Variants in RBMS2 observed in about 807,000 individuals in gnomAD.
RBMS2 encodes the protein RNA-binding motif, single-stranded-interacting protein 2.
In RBMS2, 38 loss-of-function variants were observed where a neutral mutation model predicts 58.4. That is an observed-to-expected ratio of 0.65 (90% CI 0.50 to 0.85). The LOEUF (loss-of-function observed/expected upper bound fraction) is 0.85, where lower values mean the gene tolerates loss of function less well. Among genes scored for constraint, RBMS2 ranks in the 40% least tolerant of loss-of-function variants. RBMS2 has a pLI of 0.00. For synonymous variants in RBMS2, 151 were observed against 180.7 expected (o/e 0.84, Z 1.32); for missense variants, 367 against 503.7 (o/e 0.73, Z 2.60).
rs150115921 is a variant in RBMS2, at chr12:56,572,160, A to G, written c.542+305A>G. ...AAAAATTAGCCAGACGTGGTGGCGC[A>G]TGCCTGTAATCCCAGCTACTCAGGA... On this transcript the variant is annotated intron_variant, in intron 5 of 13. Coordinates refer to ENST00000262031, the MANE Select transcript of RBMS2 (RefSeq NM_002898.4). Among the ~76,000 whole-genome samples the G allele has an allele frequency of 8.2e-3, 1,251 of 151,682 alleles. 11 individuals are homozygous for G. The highest frequency in any genetic ancestry group is 0.027 in the African/African-American group (1,136 of 41,368).
intron 9 of RBMS2, among the ~76,000 whole-genome samples, chr12:56,585,102 C>T (rs952706426): frequency 1.3e-5 from 2 of 152,086 alleles, no homozygotes; most frequent in South Asian, 2.1e-4. Flanking sequence ...GGATTACAGG[C>T]GTGAGCCACT....
intron 1 of RBMS2, among the ~76,000 whole-genome samples, chr12:56,527,311 T>G (rs1473051915): frequency 6.6e-6 from 1 of 152,178 alleles, no homozygotes; most frequent in Admixed American, 6.5e-5. Flanking sequence ...TTAACTCAAA[T>G]GGTTAAAGTT....
Position 56,568,222 on chromosome 12 carries a change from A to C in RBMS2, c.234-753A>C, listed in dbSNP as rs913809244. Reference sequence around the variant, plus strand: ...GGGTGATGGAAATAGGATATCAGAGAAGAAAAATGTCTATAGTTTTTTCAT... The same window carrying C: ...GGGTGATGGAAATAGGATATCAGAGCAGAAAAATGTCTATAGTTTTTTCAT... On this transcript the variant is annotated intron_variant, in intron 2 of 13. Coordinates refer to ENST00000262031, the MANE Select transcript of RBMS2 (RefSeq NM_002898.4). Among the ~76,000 whole-genome samples the C allele has an allele frequency of 2.0e-5, 3 of 152,202 alleles. No individual in the cohort carries two copies. In the South Asian group the frequency reaches 6.2e-4, roughly 32 times the overall value.
intron 1 of RBMS2, among the ~76,000 whole-genome samples, chr12:56,556,837 A>G (rs1195946872): frequency 1.3e-5 from 2 of 152,158 alleles, no homozygotes; most frequent in Non-Finnish European, 1.5e-5. Flanking sequence ...CTCATTCATG[A>G]TGATGATATT....
At chr12:56,564,685 G>T (rs773266665) in intron 2 of RBMS2, among the ~76,000 whole-genome samples, 1 of 152,154 alleles carries the variant, frequency 6.6e-6, no homozygotes, top group Non-Finnish European at 1.5e-5. Flanking sequence ...AGATAAAATG[G>T]TATAGTGGCC....
chr12:56,542,765 G>T (rs1876373356), intron 1 of RBMS2, among the ~76,000 whole-genome samples: 1 of 150,610 alleles, frequency 6.6e-6, no homozygotes, highest in Admixed American at 6.6e-5. Flanking sequence ...GCCCAGGATG[G>T]TCTCAAACTC....
intron 5 of RBMS2, among the ~76,000 whole-genome samples, chr12:56,576,550 A>T (rs986894120): frequency 1.1e-3 from 170 of 151,972 alleles, no homozygotes; most frequent in Non-Finnish European, 1.1e-3. Flanking sequence ...ATAAGGGGGG[A>T]CTACTAGAGT....
rs373593997 is a variant in RBMS2, at chr12:56,582,662, T to TTTTG, written c.873+530_873+533dup. Reference sequence around the variant, plus strand: ...GAGGATGGGGCCCAGTGATCTGGGCTTTTGTTTGTTTGTTTGTTTGTTTTA... The same window carrying TTTTG: ...GAGGATGGGGCCCAGTGATCTGGGCTTTTGTTTGTTTGTTTGTTTGTTTGTTTTA... On this transcript the variant is annotated intron_variant, in intron 9 of 13. Coordinates refer to ENST00000262031, the MANE Select transcript of RBMS2 (RefSeq NM_002898.4). Among the ~76,000 whole-genome samples, 458 of 152,134 alleles carry TTTTG rather than the reference T, an allele frequency of 3.0e-3. 1 individual carries two copies. Among genetic ancestry groups the TTTTG allele is most frequent in the Non-Finnish European group, 4.3e-3 (290 of 67,992 alleles).
At chr12:56,536,146 G>A (rs529194280) in intron 1 of RBMS2, among the ~76,000 whole-genome samples, 1 of 145,880 alleles carries the variant, frequency 6.9e-6, no homozygotes, top group South Asian at 2.1e-4. Flanking sequence ...TTTGCAGTGA[G>A]CTGAGATCAC....
chr12:56,540,525 T>C (rs993400358), intron 1 of RBMS2, among the ~76,000 whole-genome samples: 4 of 152,028 alleles, frequency 2.6e-5, no homozygotes, highest in Non-Finnish European at 4.4e-5. Flanking sequence ...AGGTGTACAC[T>C]AACACACCCA....
rs1885247381 is a variant in RBMS2, at chr12:56,590,741, T to G, written c.*1608T>G. 6.6e-6 allele frequency: 1 copy of G among 152,200 alleles called. No homozygotes were observed. The highest frequency in any genetic ancestry group is 1.5e-5 in the Non-Finnish European group (1 of 68,080). The allele number at this position is 152,200 out of a possible 1,614,324, so 9.4% of individuals were successfully genotyped here. ...TGTGGCTCCATGCTGAATGCACACA[T>G]GTACTCAGAGGGATTCAGGTGGGCA... On this transcript the variant is annotated 3_prime_UTR_variant, in exon 14 of 14. Transcript: ENST00000262031.
chr12:56,588,163 A>C lies in RBMS2; in HGVS notation c.1063-131A>C, dbSNP rs913557679. ...CCACCTGAAGTGCTTTTAAGATGCA[A>C]ATGCTCAGACCAATTAAAATAGAAT... On this transcript the variant is annotated intron_variant, in intron 11 of 13. Coordinates refer to ENST00000262031, the MANE Select transcript of RBMS2 (RefSeq NM_002898.4). The C allele has an allele frequency of 8.2e-6, 6 of 729,970 alleles. No homozygotes were observed. In the African/African-American group the frequency reaches 8.9e-5, roughly 11 times the overall value. 45.2% of individuals were successfully genotyped at this position (729,970 alleles called of 1,614,324 possible).
intron 2 of RBMS2, among the ~76,000 whole-genome samples, chr12:56,566,770 A>G (rs1881417582): frequency 6.6e-6 from 1 of 152,134 alleles, no homozygotes; most frequent in Admixed American, 6.5e-5. Context: ...GCGAGCCGAG[A>G]TCACGCCACT....
At position 56,591,134 on chromosome 12, in the gene RBMS2, T is replaced by C. The variant is rs1885274980; in HGVS notation, c.*2001T>C. ...TTATGCACTGAAAGGAGAATTTGAC[T>C]CCCTTGCACTTCAAGGCCAGGTGCC... On this transcript the variant is annotated 3_prime_UTR_variant, in exon 14 of 14. Transcript: ENST00000262031. 6.6e-6 allele frequency: 1 copy of C among 152,168 alleles called. No homozygotes were observed. Among genetic ancestry groups the C allele is most frequent in the Non-Finnish European group, 1.5e-5 (1 of 68,048 alleles). 9.4% of individuals were successfully genotyped at this position (152,168 alleles called of 1,614,324 possible).
rs541854076 is a variant in RBMS2 at position 56,537,079 on chromosome 12, C to G, written c.66+14990C>G. 4.6e-5 allele frequency among the ~76,000 whole-genome samples: 7 copies of G among 152,094 alleles called. No homozygotes were observed. In the East Asian group the frequency reaches 5.8e-4, roughly 13 times the overall value. On this transcript the variant is annotated intron_variant, in intron 1 of 13. Transcript: ENST00000262031. ...GGGATTACGGGCACCTGCCATCACA[C>G]CTGGCTAATTTTTGTATTTTTAGTA...
intron 3 of RBMS2, 27 bp downstream of exon 3, chr12:56,569,060 G>A (rs753321128): frequency 6.3e-7 from 1 of 1,586,598 alleles, no homozygotes; most frequent in Admixed American, 1.7e-5. Flanking sequence ...CCTTGGTGTT[G>A]GAGAGCACCA....
intron 9 of RBMS2, among the ~76,000 whole-genome samples, chr12:56,585,678 A>G (rs1197345971): frequency 6.6e-6 from 1 of 152,232 alleles, no homozygotes; most frequent in Non-Finnish European, 1.5e-5. Flanking sequence ...CATTATGAAT[A>G]ATACTGCTAT....
intron 1 of RBMS2, among the ~76,000 whole-genome samples, chr12:56,551,288 A>G (rs1878232987): frequency 6.6e-6 from 1 of 152,110 alleles, no homozygotes; most frequent in Non-Finnish European, 1.5e-5. Flanking sequence ...GGCGGAAGTC[A>G]TTTGAATTAG....
chr12:56,587,379 T>C (rs1162181981), intron 10 of RBMS2, among the ~76,000 whole-genome samples, 175 bp from the exon 11 acceptor site: 1 of 152,162 alleles, frequency 6.6e-6, no homozygotes, highest in Non-Finnish European at 1.5e-5. Context: ...ACGAGGGTCC[T>C]TCCACACTGA....
Sources: gnomAD v4.1 joint callset for allele counts (sites outside exome capture counted in the v4.1 genomes callset) on GRCh38, gnomAD v4.1.1 for gene constraint, MANE v1.5 for transcripts, NCBI Gene and HGNC (gene_info 2026-07-23, HGNC 2026-07-21) for gene names.